SELENOO: variants seen among roughly 807,000 people sequenced by gnomAD.
The protein encoded by SELENOO is protein adenylyltransferase SelO, mitochondrial.
In SELENOO, 74 loss-of-function variants were observed where a neutral mutation model predicts 58.7. That is an observed-to-expected ratio of 1.26 (90% confidence interval 1.04 to 1.53). SELENOO has a LOEUF of 1.53. Ranked by LOEUF, SELENOO falls within the 40% of genes most tolerant of loss-of-function variation. The pLI is 0.00. For synonymous variants in SELENOO, 543 were observed against 453.2 expected, an observed-to-expected ratio of 1.20 and a Z score of -2.52; for missense variants, 1,149 against 970.0, an observed-to-expected ratio of 1.18 and a Z score of -2.45.
intron 5 of SELENOO, among the ~76,000 whole-genome samples, chr22:50,214,874 T>C (rs1299849485): frequency 6.6e-6 from 1 of 152,244 alleles, no homozygotes; most frequent in South Asian, 2.1e-4. Context: ...TTCGTGTCTT[T>C]GAACGTCTTG....
intron 1 of SELENOO, among the ~76,000 whole-genome samples, chr22:50,204,340 A>T (rs2064319077): frequency 6.6e-6 from 1 of 152,094 alleles, no homozygotes; most frequent in South Asian, 2.1e-4. Flanking sequence ...GAAAAATAAA[A>T]GGTTGGTCGG....
Position 50,216,718 on chromosome 22 carries a change from GCAGT to G in SELENOO, c.1533_1536del (p.Ser512ThrfsTer30), listed in dbSNP as rs1455045172. On this transcript the variant is annotated frameshift_variant, in exon 7 of 9. Coordinates refer to ENST00000380903, the MANE Select transcript of SELENOO (RefSeq NM_031454.2). LOFTEE classifies it high-confidence loss of function. ...AGCTATCCATGATGCTGATGCTGGC[GCAGT>G]CAAACCCGCAGCTGTTCGCGCTTAT... The G allele has an allele frequency of 3.1e-6, 5 of 1,600,004 alleles. No homozygotes were observed. In the African/African-American group the frequency reaches 6.7e-5, roughly 21 times the overall value.
rs754804886 is a variant in SELENOO, at chr22:50,208,724, G to A, written c.939+8G>A. 4 of 1,609,078 alleles carry A rather than the reference G, an allele frequency of 2.5e-6. No individual in the cohort carries two copies. Among genetic ancestry groups the A allele is most frequent in the Non-Finnish European group, 3.4e-6 (4 of 1,177,708 alleles). On this transcript the variant is annotated splice_region_variant and intron_variant, in intron 3 of 8. Coordinates refer to ENST00000380903, the MANE Select transcript of SELENOO (RefSeq NM_031454.2). Reference sequence around the variant, plus strand: ...GCTGCCTTCTTCCGGGAGGTCAGTGGGCCGCACGCCACCCCTCCCTGCGGG... The same window carrying A: ...GCTGCCTTCTTCCGGGAGGTCAGTGAGCCGCACGCCACCCCTCCCTGCGGG...
chr22:50,211,296 T>C (rs1253064420), intron 5 of SELENOO, among the ~76,000 whole-genome samples: 2 of 152,156 alleles, frequency 1.3e-5, no homozygotes, highest in African/African-American at 4.8e-5. Flanking sequence ...CACTGTGTGT[T>C]GTGTGCCGTG....
intron 6 of SELENOO, 85 bp from the exon 7 acceptor site, chr22:50,216,606 A>C (rs867940535): frequency 2.5e-5 from 32 of 1,296,340 alleles, no homozygotes; most frequent in Non-Finnish European, 3.4e-5. Flanking sequence ...GAGCCGTGAG[A>C]GCGGGCTGGG....
Position 50,201,187 on chromosome 22 carries a change from G to C in SELENOO, c.151G>C (p.Asp51His). ...APRWLAGLRF[D>H]NRALRALPVE... is the part of the protein sequence containing the mutation. ...TCGCTGGCTGGCGGGGCTGCGCTTC[G>C]ACAACCGCGCCCTGCGCGCCCTGCC... is the stretch of plus-strand genomic sequence containing the variant. Residue 51 changes from aspartate (D) to histidine (H), a missense_variant, in exon 1 of 9, where the codon GAC becomes CAC. Transcript: ENST00000380903. 1 of 1,223,318 alleles carries C rather than the reference G, an allele frequency of 8.2e-7. No individual in the cohort carries two copies. The highest frequency in any genetic ancestry group is 1.0e-6 in the Non-Finnish European group (1 of 981,648). The allele number at this position is 1,223,318 out of a possible 1,614,324, so 75.8% of individuals were successfully genotyped here.
chr22:50,210,604 G>A, intron 4 of SELENOO, 27 bp from the exon 5 acceptor site: 1 of 1,612,624 alleles, frequency 6.2e-7, no homozygotes, highest in South Asian at 1.1e-5. Context: ...CTCAGGCAGG[G>A]CGTGGCTCTC....
chr22:50,215,074 C>T (rs1380905701), intron 5 of SELENOO, among the ~76,000 whole-genome samples: 2 of 152,194 alleles, frequency 1.3e-5, no homozygotes, highest in African/African-American at 2.4e-5. Flanking sequence ...GTTGCTTTGA[C>T]TCCCTTCTCA....
At chr22:50,205,878 A>G (rs57098977) in intron 1 of SELENOO, 4,705 of 181,006 alleles carry the variant, frequency 0.026, 223 homozygotes, top group African/African-American at 0.11. Flanking sequence ...GCCTCCTCCC[A>G]CTGTGGGTGT....
Position 50,208,555 on chromosome 22 carries a change from T to C in SELENOO, c.778T>C (p.Phe260Leu). ...CTCCAGGTTTGGATCCTTTGAGATT[T>C]TTAAGTCTGCAGATGAGCACACAGG... Reference protein sequence around the residue: ...TFIRFGSFEIFKSADEHTGRA... With the variant: ...TFIRFGSFEILKSADEHTGRA... The change falls in exon 3 of 9, where the codon TTT becomes CTT. Residue 260 changes from phenylalanine (F) to leucine (L), a missense_variant. Physicochemically the swap from Phe to Leu is conservative, Grantham distance 22 (BLOSUM62 0). Coordinates refer to ENST00000380903, the MANE Select transcript of SELENOO (RefSeq NM_031454.2). The C allele has an allele frequency of 6.2e-7, 1 of 1,613,560 alleles. No homozygotes were observed. The highest frequency in any genetic ancestry group is 8.5e-7 in the Non-Finnish European group (1 of 1,179,696).
In SELENOO at chr22:50,201,415, A is replaced by G; in HGVS notation, c.379A>G (p.Asn127Asp). 1 of 1,348,180 alleles carries G rather than the reference A, an allele frequency of 7.4e-7. No individual in the cohort carries two copies. Among genetic ancestry groups the G allele is most frequent in the Non-Finnish European group, 9.6e-7 (1 of 1,044,894 alleles). The allele number at this position is 1,348,180 out of a possible 1,614,324, so 83.5% of individuals were successfully genotyped here. The part of the protein sequence containing the change: ...EAEAALFFSG[N>D]ALLPGAEPAA... ...CGAGGCCGCGCTGTTCTTCAGCGGCAACGCGCTCCTGCCGGGCGCCGAGCC... is the reference window on the plus strand; with the variant it reads ...CGAGGCCGCGCTGTTCTTCAGCGGCGACGCGCTCCTGCCGGGCGCCGAGCC... The change falls in exon 1 of 9, where the codon AAC becomes GAC. Residue 127 changes from asparagine (N) to aspartate (D), a missense_variant. Transcript: ENST00000380903.
chr22:50,211,213 G>T (rs1178484782), intron 5 of SELENOO, among the ~76,000 whole-genome samples: 1 of 152,234 alleles, frequency 6.6e-6, no homozygotes, highest in East Asian at 1.9e-4. Flanking sequence ...ATCCCGTTGT[G>T]TGGACAGGCC....
At chr22:50,203,281 G>A (rs964935447) in intron 1 of SELENOO, among the ~76,000 whole-genome samples, 2 of 152,208 alleles carry the variant, frequency 1.3e-5, no homozygotes, top group African/African-American at 4.8e-5. Context: ...GGAGACTGAG[G>A]TGGAAGAATC....
chr22:50,209,819 G>A (rs1428233308), intron 3 of SELENOO, among the ~76,000 whole-genome samples: 3 of 152,220 alleles, frequency 2.0e-5, no homozygotes, highest in Non-Finnish European at 4.4e-5. Flanking sequence ...GCAGGGTGGT[G>A]GTGGCACCAG....
chr22:50,201,392 A>AGGCCGC lies in SELENOO; in HGVS notation c.358_363dup (p.Ala120_Ala121dup), dbSNP rs1258879064. ...CCGCCCGCGCGCGAGGCCGAGGCCG[A>AGGCCGC]GGCCGCGCTGTTCTTCAGCGGCAAC... On this transcript the variant is annotated inframe_insertion, in exon 1 of 9. Coordinates refer to ENST00000380903, the MANE Select transcript of SELENOO (RefSeq NM_031454.2). 20 of 1,293,888 alleles carry AGGCCGC rather than the reference A, an allele frequency of 1.5e-5. No homozygotes were observed. The highest frequency in any genetic ancestry group is 2.9e-6 in the Non-Finnish European group (3 of 1,017,472). The allele number at this position is 1,293,888 out of a possible 1,614,324, so 80.2% of individuals were successfully genotyped here.
Position 50,217,244 on chromosome 22 carries a change from T to C in SELENOO, c.1885T>C (p.Cys629Arg), listed in dbSNP as rs1482171066. 1.2e-6 allele frequency: 2 copies of C among 1,611,468 alleles called. No individual in the cohort carries two copies. The highest frequency in any genetic ancestry group is 8.5e-7 in the Non-Finnish European group (1 of 1,179,406). Residue 629 changes from cysteine (C) to arginine (R), a missense_variant, in exon 9 of 9, where the codon TGC (cysteine) becomes CGC (arginine). By Grantham distance (180) the Cys-to-Arg change is radical. Transcript: ENST00000380903. ...VLKLLETPYH[C>R]EAGAATDAEA... is the part of the protein sequence containing the mutation. ...GAAACTACTGGAGACCCCTTACCACTGCGAGGCGGGGGCCGCCACAGACGC... is the reference window on the plus strand; with the variant it reads ...GAAACTACTGGAGACCCCTTACCACCGCGAGGCGGGGGCCGCCACAGACGC...
chr22:50,216,352 C>G (rs936523589), intron 6 of SELENOO, among the ~76,000 whole-genome samples: 8 of 152,262 alleles, frequency 5.3e-5, no homozygotes, highest in Non-Finnish European at 7.3e-5. Context: ...GTGGCCCCTG[C>G]CCACCTGGAC....
rs1322272874 is a variant in SELENOO, at chr22:50,201,043, G to A, written c.7G>A (p.Val3Ile). Residue 3 changes from valine to isoleucine, a missense_variant, in exon 1 of 9, where the codon GTA becomes ATA. Coordinates refer to ENST00000380903, the MANE Select transcript of SELENOO (RefSeq NM_031454.2). Reference protein sequence around the residue: MAVYRAALGASLA... With the variant: MAIYRAALGASLA... Reference sequence around the variant, plus strand: ...GGCGGGAGCGGGGCCGCGGATGGCCGTATACAGGGCAGCGCTCGGGGCTTC... The same window carrying A: ...GGCGGGAGCGGGGCCGCGGATGGCCATATACAGGGCAGCGCTCGGGGCTTC... 3.1e-6 allele frequency: 4 copies of A among 1,306,082 alleles called. No individual in the cohort carries two copies. Among genetic ancestry groups the A allele is most frequent in the Admixed American group, 3.7e-5 (1 of 27,144 alleles). 80.9% of individuals were successfully genotyped at this position (1,306,082 alleles called of 1,614,324 possible).
chr22:50,210,791 G>A lies in SELENOO; in HGVS notation c.1231G>A (p.Asp411Asn). 6.2e-7 allele frequency: 1 copy of A among 1,613,960 alleles called. No homozygotes were observed. Among genetic ancestry groups the A allele is most frequent in the Non-Finnish European group, 8.5e-7 (1 of 1,180,040 alleles). Residue 411 changes from aspartate (D) to asparagine (N), a missense_variant, in exon 5 of 9, where the codon GAC becomes AAC. Transcript: ENST00000380903. ...LGEAILAEEF[D>N]AEFQRHYLQK... ...GGAGGCCATCCTGGCCGAGGAGTTT[G>A]ACGCCGAGTTCCAAAGGCACTACCT...
Sources: gnomAD v4.1 joint callset for allele counts (sites outside exome capture counted in the v4.1 genomes callset) on GRCh38, gnomAD v4.1.1 for gene constraint, MANE v1.5 for transcripts, NCBI Gene and HGNC (gene_info 2026-07-23, HGNC 2026-07-21) for gene names.